The following TFDP2 variants were observed in gnomAD, a reference collection of about 807,000 sequenced individuals.
TFDP2 encodes transcription factor Dp-2 (E2F dimerization partner 2).
TFDP2 carries 17 observed loss-of-function variants against 59.3 expected under a neutral mutation model. The observed-to-expected ratio is 0.29, with a 90% CI of 0.20 to 0.43. The LOEUF is 0.43. Ranked by LOEUF, TFDP2 falls within the 20% of genes least tolerant of loss-of-function variation. The probability of loss-of-function intolerance (pLI) is 1.00; values close to 1 mark genes in which losing one functional copy is unlikely to be tolerated. For missense variants in TFDP2, 391 were observed against 528.8 expected, an observed-to-expected ratio of 0.74 and a Z score of 2.56; for synonymous variants, 180 against 194.7, an observed-to-expected ratio of 0.92 and a Z score of 0.63.
rs1165119483 is a variant in TFDP2 at position 141,995,025 on chromosome 3, G to A, written c.303C>T (p.Val101=). 1.3e-6 allele frequency: 2 copies of A among 1,586,938 alleles called. No homozygotes were observed. The highest frequency in any genetic ancestry group is 1.7e-6 in the Non-Finnish European group (2 of 1,167,042). The stretch of plus-strand genomic sequence containing the variant: ...GTAACTTGCAACACTCTTACCCAGG[G>A]ACCCAGCCAGTAGCTTCTGCTATGT... ...QTHIAEATGW[V]PGDRKRARKF... Residue 101 remains valine (V), a synonymous_variant, in exon 5 of 13, where the codon GTC becomes GTT. Transcript: ENST00000489671.
At chr3:142,075,734 GAA>G (rs530375441) in intron 3 of TFDP2, among the ~76,000 whole-genome samples, 6,536 of 44,584 alleles carry the variant, frequency 0.15, 70 homozygotes, top group Non-Finnish European at 0.2. Flanking sequence ...TGTCTCTACA[GAA>G]AAAAAAAAAA....
chr3:141,957,171 A>AC (rs111802792), intron 11 of TFDP2, among the ~76,000 whole-genome samples: 2,292 of 151,878 alleles, frequency 0.015, 60 homozygotes, highest in African/African-American at 0.053. Flanking sequence ...ACCAAAACTA[A>AC]CCGGGCATAG....
chr3:142,011,249 ACTATG>A (rs1324214118), intron 3 of TFDP2, among the ~76,000 whole-genome samples: 71 of 47,654 alleles, frequency 1.5e-3, no homozygotes, highest in Middle Eastern at 7.7e-3. Context: ...ACCATGGAAT[ACTATG>A]CAGCCATAAA....
chr3:142,051,051 T>C (rs1947601199), intron 3 of TFDP2, among the ~76,000 whole-genome samples: 1 of 152,212 alleles, frequency 6.6e-6, no homozygotes, highest in Non-Finnish European at 1.5e-5. Context: ...ATCGAAAGAT[T>C]ACACTATCTG....
chr3:142,098,962 C>T (rs551947105), intron 2 of TFDP2, among the ~76,000 whole-genome samples: 6 of 152,042 alleles, frequency 3.9e-5, no homozygotes, highest in East Asian at 1.9e-4. Flanking sequence ...GATAGGGTTT[C>T]GATCATTTGC....
At chr3:142,008,446 A>T (rs1282021822) in intron 3 of TFDP2, among the ~76,000 whole-genome samples, 1 of 152,032 alleles carries the variant, frequency 6.6e-6, no homozygotes, top group African/African-American at 2.4e-5. Context: ...CTCCTTTCAC[A>T]GTTTCATCTT....
chr3:142,143,003 AGGC>A (rs2063016205), intron 1 of TFDP2, among the ~76,000 whole-genome samples: 1 of 152,262 alleles, frequency 6.6e-6, no homozygotes, highest in Non-Finnish European at 1.5e-5. Context: ...TGGGAGGCCA[AGGC>A]GAGCAGATCA....
At chr3:141,968,143 T>C (rs570129590) in intron 9 of TFDP2, among the ~76,000 whole-genome samples, 3 of 147,696 alleles carry the variant, frequency 2.0e-5, no homozygotes, top group African/African-American at 7.4e-5. Context: ...GAGGAGTGTT[T>C]GGTAGAATTC....
intron 6 of TFDP2, among the ~76,000 whole-genome samples, chr3:141,984,820 T>C (rs1576578222): frequency 1.3e-5 from 2 of 152,368 alleles, no homozygotes; most frequent in Admixed American, 6.5e-5. Flanking sequence ...TTATGTATTA[T>C]GTATTTCATC....
At chr3:142,076,234 GA>G (rs1367517887) in intron 3 of TFDP2, among the ~76,000 whole-genome samples, 2 of 150,052 alleles carry the variant, frequency 1.3e-5, no homozygotes, top group African/African-American at 4.9e-5. Context: ...AAAGAAAAAA[GA>G]AAAAAGTTTT....
intron 3 of TFDP2, chr3:142,054,102 A>C (rs1407339471): frequency 6.6e-6 from 1 of 152,260 alleles, no homozygotes; most frequent in Non-Finnish European, 1.5e-5. Flanking sequence ...TATAAAGTTA[A>C]ATATACACTT....
chr3:142,005,369 T>G, intron 4 of TFDP2, 72 bp downstream of exon 4: 1 of 1,253,114 alleles, frequency 8.0e-7, no homozygotes, highest in Admixed American at 1.9e-5. Flanking sequence ...TCAAATATAT[T>G]TAATGCAATT....
chr3:141,959,572 A>G, intron 11 of TFDP2, 102 bp downstream of exon 11: 1 of 1,277,756 alleles, frequency 7.8e-7, no homozygotes, highest in Non-Finnish European at 1.1e-6. Flanking sequence ...CGACACAAGC[A>G]CAGATGTTCT....
At chr3:141,993,272 A>G (rs1398954402) in intron 6 of TFDP2, among the ~76,000 whole-genome samples, 1 of 152,152 alleles carries the variant, frequency 6.6e-6, no homozygotes, top group East Asian at 1.9e-4. Context: ...ACTTTGATAG[A>G]ACTCTTCATT....
chr3:141,977,107 T>TATATATATATATATATATATATATATG (rs1491255094), intron 7 of TFDP2, among the ~76,000 whole-genome samples: 1 of 86,714 alleles, frequency 1.2e-5, no homozygotes, highest in African/African-American at 5.0e-5. Context: ...TATATATATA[T>TATATATATATATATATATATATATATG]TTTTTTTTTT....
At chr3:142,061,124 C>T (rs2059903052) in intron 3 of TFDP2, among the ~76,000 whole-genome samples, 1 of 152,076 alleles carries the variant, frequency 6.6e-6, no homozygotes, top group Non-Finnish European at 1.5e-5. Flanking sequence ...TCATACATAA[C>T]CTTGGATCAA....
Position 141,948,642 on chromosome 3 carries a change from C to T in TFDP2, c.*3871G>A, listed in dbSNP as rs939782970. On this transcript the variant is annotated 3_prime_UTR_variant, in exon 13 of 13. Transcript: ENST00000489671. Reference sequence around the variant, plus strand: ...GTAGTTCTCATTCTCTGCTAATCCACACTCCCTCCAACATACACACTGTGT... The same window carrying T: ...GTAGTTCTCATTCTCTGCTAATCCATACTCCCTCCAACATACACACTGTGT... 4 of 151,930 alleles carry T rather than the reference C, an allele frequency of 2.6e-5. No individual in the cohort carries two copies. Among genetic ancestry groups the T allele is most frequent in the African/African-American group, 9.7e-5 (4 of 41,346 alleles). 9.4% of individuals were successfully genotyped at this position (151,930 alleles called of 1,614,324 possible). A position where few individuals can be genotyped will look rare whatever the true frequency, so the allele number is the denominator to read the frequency against.
intron 1 of TFDP2, among the ~76,000 whole-genome samples, chr3:142,135,232 A>G (rs73236032): frequency 0.083 from 12,665 of 152,024 alleles, 693 homozygotes; most frequent in Middle Eastern, 0.14. Context: ...CAGCCTCACA[A>G]GTAGCTGGGA....
At chr3:142,141,874 AG>A (rs1168288231) in intron 1 of TFDP2, among the ~76,000 whole-genome samples, 2 of 152,180 alleles carry the variant, frequency 1.3e-5, no homozygotes, top group African/African-American at 4.8e-5. Flanking sequence ...AAGGACATAT[AG>A]GTCTTAAATA....
Sources: allele counts gnomAD v4.1 joint callset (sites outside exome capture counted in the v4.1 genomes callset), GRCh38; gene constraint gnomAD v4.1.1; transcripts MANE v1.5; gene names NCBI Gene and HGNC (gene_info 2026-07-23, HGNC 2026-07-21).